The following NXPH2 variants were observed in gnomAD, a reference collection of about 807,000 sequenced individuals.
NXPH2 encodes neurexophilin 2, also known as neurexophilin-2.
NXPH2 carries 5 observed loss-of-function variants against 19.8 expected under a neutral mutation model. The ratio of observed to expected loss-of-function variants is 0.25; its 90% CI spans 0.13 to 0.53. The LOEUF is 0.53. Among genes scored for constraint, NXPH2 ranks in the 20% least tolerant of loss-of-function variants. The probability of loss-of-function intolerance (pLI) is 0.96; values close to 1 mark genes in which losing one functional copy is unlikely to be tolerated. For synonymous variants in NXPH2, 154 were observed against 127.4 expected (o/e 1.21, Z -1.41); for missense variants, 289 against 322.8 (o/e 0.90, Z 0.80).
At chr2:138,754,168 A>T (rs1011205692) in intron 1 of NXPH2, among the ~76,000 whole-genome samples, 1 of 152,082 alleles carries the variant, frequency 6.6e-6, no homozygotes, top group African/African-American at 2.4e-5. Context: ...TTTCATCCTG[A>T]AATCCCCCAG....
At chr2:138,769,922 G>A (rs181322391) in intron 1 of NXPH2, among the ~76,000 whole-genome samples, 1 of 152,292 alleles carries the variant, frequency 6.6e-6, no homozygotes, top group African/African-American at 2.4e-5. Context: ...GGGCAAAACA[G>A]GGCGCAAATT....
intron 1 of NXPH2, among the ~76,000 whole-genome samples, chr2:138,742,694 C>T (rs1230836774): frequency 6.6e-6 from 1 of 152,204 alleles, no homozygotes; most frequent in Non-Finnish European, 1.5e-5. Context: ...CAGGCATCTG[C>T]ACTTGCTGTT....
intron 1 of NXPH2, among the ~76,000 whole-genome samples, chr2:138,689,735 G>A (rs1437963447): frequency 6.6e-6 from 1 of 152,164 alleles, no homozygotes; most frequent in Non-Finnish European, 1.5e-5. Flanking sequence ...TAGCGGAATA[G>A]CCCCAGTGTG....
chr2:138,709,819 T>C (rs1002756475), intron 1 of NXPH2, among the ~76,000 whole-genome samples: 2 of 152,240 alleles, frequency 1.3e-5, no homozygotes, highest in African/African-American at 4.8e-5. Context: ...ACATTTAAAG[T>C]TTCTCCATGT....
chr2:138,711,897 G>T (rs1681112154), intron 1 of NXPH2, among the ~76,000 whole-genome samples: 2 of 152,156 alleles, frequency 1.3e-5, no homozygotes, highest in African/African-American at 2.4e-5. Flanking sequence ...ATCCTCTGCT[G>T]GTCTGGCACA....
chr2:138,755,453 T>A (rs1160698332), intron 1 of NXPH2, among the ~76,000 whole-genome samples: 2 of 152,190 alleles, frequency 1.3e-5, no homozygotes, highest in African/African-American at 4.8e-5. Flanking sequence ...ATTGCCTTTG[T>A]TCCTTTGTCA....
At chr2:138,684,921 C>G (rs1680626331) in intron 1 of NXPH2, among the ~76,000 whole-genome samples, 1 of 152,178 alleles carries the variant, frequency 6.6e-6, no homozygotes, top group African/African-American at 2.4e-5. Context: ...CTGTGAAATT[C>G]ATGGGAGTTT....
At chr2:138,767,415 C>G (rs572670724) in intron 1 of NXPH2, among the ~76,000 whole-genome samples, 2 of 152,370 alleles carry the variant, frequency 1.3e-5, no homozygotes, top group Admixed American at 1.3e-4. Flanking sequence ...ATGGAGAGAG[C>G]AGTAGCTCCC....
chr2:138,780,094 A>C, intron 1 of NXPH2, 97 bp downstream of exon 1: 1 of 1,258,640 alleles, frequency 7.9e-7, no homozygotes, highest in East Asian at 3.1e-5. Flanking sequence ...CCACTTCCCA[A>C]GCAGGCCCAG....
intron 1 of NXPH2, among the ~76,000 whole-genome samples, chr2:138,704,793 A>G (rs1238658985): frequency 6.6e-6 from 1 of 150,428 alleles, no homozygotes; most frequent in Non-Finnish European, 1.5e-5. Context: ...GGTAGCTGGG[A>G]CTACATGTGT....
At chr2:138,718,275 T>A (rs1016304217) in intron 1 of NXPH2, among the ~76,000 whole-genome samples, 1 of 151,768 alleles carries the variant, frequency 6.6e-6, no homozygotes, top group Non-Finnish European at 1.5e-5. Context: ...AAAAGACAAT[T>A]TAAAAAATTT....
intron 1 of NXPH2, among the ~76,000 whole-genome samples, chr2:138,719,144 CA>C (rs1317901766): frequency 6.6e-6 from 1 of 151,906 alleles, no homozygotes; most frequent in Non-Finnish European, 1.5e-5. Context: ...TTAAATAACT[CA>C]AAGTAGAGCT....
At chr2:138,736,886 G>C (rs757127990) in intron 1 of NXPH2, among the ~76,000 whole-genome samples, 1 of 152,152 alleles carries the variant, frequency 6.6e-6, no homozygotes, top group South Asian at 2.1e-4. Context: ...CTATGGCAGG[G>C]GCAAAATGCC....
At chr2:138,671,759 A>G (rs1680420677) in intron 1 of NXPH2, 94 bp from the exon 2 acceptor site, 1 of 1,262,552 alleles carries the variant, frequency 7.9e-7, no homozygotes, top group South Asian at 1.6e-5. Context: ...TTATTTCAAC[A>G]TTGTTTAGAT....
intron 1 of NXPH2, among the ~76,000 whole-genome samples, chr2:138,730,239 G>C (rs1681427117): frequency 6.6e-6 from 1 of 151,488 alleles, no homozygotes; most frequent in South Asian, 2.1e-4. Context: ...CTGTCACCTA[G>C]GCTGGAATGC....
intron 1 of NXPH2, among the ~76,000 whole-genome samples, chr2:138,740,606 T>C (rs1681627518): frequency 6.6e-6 from 1 of 152,194 alleles, no homozygotes; most frequent in Non-Finnish European, 1.5e-5. Context: ...AGAGTTATAA[T>C]TATATGAAGG....
At chr2:138,734,149 G>T (rs1558925057) in intron 1 of NXPH2, among the ~76,000 whole-genome samples, 1 of 152,180 alleles carries the variant, frequency 6.6e-6, no homozygotes, top group Non-Finnish European at 1.5e-5. Flanking sequence ...GGAGGTTGAG[G>T]CAGGAGAATT....
At chr2:138,737,419 T>C (rs1197732002) in intron 1 of NXPH2, among the ~76,000 whole-genome samples, 1 of 152,190 alleles carries the variant, frequency 6.6e-6, no homozygotes, top group Non-Finnish European at 1.5e-5. Context: ...TTATTCACTA[T>C]CATGAGAACA....
intron 1 of NXPH2, among the ~76,000 whole-genome samples, chr2:138,751,561 T>G (rs936633974): frequency 1.3e-5 from 2 of 152,114 alleles, no homozygotes; most frequent in Non-Finnish European, 2.9e-5. Context: ...CCTTAAAATA[T>G]CCTAATAAAT....
Sources: gnomAD v4.1 joint callset for allele counts (sites outside exome capture counted in the v4.1 genomes callset) on GRCh38, gnomAD v4.1.1 for gene constraint, MANE v1.5 for transcripts, NCBI Gene and HGNC (gene_info 2026-07-23, HGNC 2026-07-21) for gene names.